Variants in ADAMTS3 observed in about 807,000 individuals in gnomAD.
ADAMTS3 encodes the protein ADAM metallopeptidase with thrombospondin type 1 motif 3, also known as A disintegrin and metalloproteinase with thrombospondin motifs 3.
In ADAMTS3, 73 loss-of-function variants were observed where a neutral mutation model predicts 129.0. That is an observed-to-expected ratio of 0.57 (90% confidence interval 0.47 to 0.69). ADAMTS3 has a LOEUF of 0.69. Ranked by LOEUF, ADAMTS3 falls within the 30% of genes least tolerant of loss-of-function variation. The pLI is 0.00. For synonymous variants in ADAMTS3, 477 were observed against 510.8 expected, an observed-to-expected ratio of 0.93 and a Z score of 0.89; for missense variants, 1,457 against 1,514.5, an observed-to-expected ratio of 0.96 and a Z score of 0.63.
intron 3 of ADAMTS3, among the ~76,000 whole-genome samples, chr4:72,537,506 A>T (rs1212071122): frequency 6.6e-6 from 1 of 152,178 alleles, no homozygotes; most frequent in East Asian, 1.9e-4. Flanking sequence ...GTCATTGTGC[A>T]TGCCCAGGGA....
intron 3 of ADAMTS3, among the ~76,000 whole-genome samples, chr4:72,454,554 C>T (rs1718491999): frequency 6.6e-6 from 1 of 151,704 alleles, no homozygotes; most frequent in Non-Finnish European, 1.5e-5. Flanking sequence ...ATGCTTGGCA[C>T]ATGCTTGAAA....
chr4:72,309,836 AACAAG>A (rs1719186148), intron 14 of ADAMTS3, among the ~76,000 whole-genome samples: 1 of 152,096 alleles, frequency 6.6e-6, no homozygotes, highest in Non-Finnish European at 1.5e-5. Flanking sequence ...ACAAGAAAAC[AACAAG>A]ACAGTGCTTT....
chr4:72,424,414 T>C (rs1722520813), intron 3 of ADAMTS3, among the ~76,000 whole-genome samples: 1 of 152,034 alleles, frequency 6.6e-6, no homozygotes, highest in African/African-American at 2.4e-5. Flanking sequence ...ATTTGAGAAA[T>C]ATTTCCTGAA....
At chr4:72,559,134 G>A (rs1458303943) in intron 2 of ADAMTS3, among the ~76,000 whole-genome samples, 2 of 151,630 alleles carry the variant, frequency 1.3e-5, no homozygotes, top group Admixed American at 1.3e-4. Flanking sequence ...GTCCATGAGA[G>A]TATCATTTGA....
intron 4 of ADAMTS3, among the ~76,000 whole-genome samples, chr4:72,385,515 G>C (rs1008848163): frequency 6.6e-6 from 1 of 152,008 alleles, no homozygotes; most frequent in Non-Finnish European, 1.5e-5. Flanking sequence ...TAAGTGAAAT[G>C]CTCCCTCCAA....
intron 3 of ADAMTS3, among the ~76,000 whole-genome samples, chr4:72,530,207 G>T (rs1369880101): frequency 1.7e-4 from 7 of 41,580 alleles, no homozygotes; most frequent in South Asian, 1.6e-3. Context: ...ATTAACATAT[G>T]TTATTTTAAT....
In ADAMTS3 at chr4:72,306,028, T is replaced by A. The variant is rs1189973715; in HGVS notation, c.2219A>T (p.His740Leu). 3.1e-6 allele frequency: 5 copies of A among 1,611,530 alleles called. No individual in the cohort carries two copies. In the Admixed American group the frequency reaches 6.7e-5, roughly 22 times the overall value. The change falls in exon 16 of 22, where the codon CAT becomes CTT. Residue 740 changes from histidine (H) to leucine (L), a missense_variant. His to Leu is a moderately conservative substitution (Grantham distance 99). Transcript: ENST00000286657. ...KMFDIPPGAR[H>L]VLIQEDEASP... is the part of the protein sequence containing the mutation. The stretch of plus-strand genomic sequence containing the variant: ...AGCCTCGTCTTCTTGGATTAACACA[T>A]GTCTAGCCCCAGGGGGTATATCAAA...
chr4:72,419,566 G>A (rs1490679437), intron 3 of ADAMTS3, among the ~76,000 whole-genome samples: 4 of 152,158 alleles, frequency 2.6e-5, no homozygotes, highest in African/African-American at 9.7e-5. Flanking sequence ...AGCTTTGAAT[G>A]CAGCCCAACA....
intron 3 of ADAMTS3, among the ~76,000 whole-genome samples, chr4:72,514,638 C>T (rs788938): frequency 1 from 152,238 of 152,252 alleles, 76,112 homozygotes; most frequent in Non-Finnish European, 1. Context: ...TATTCACTAC[C>T]GACTGGATGG....
chr4:72,288,184 A>G (rs532206254), intron 21 of ADAMTS3, among the ~76,000 whole-genome samples: 1 of 152,320 alleles, frequency 6.6e-6, no homozygotes, highest in East Asian at 1.9e-4. Context: ...CTGTTTTAAA[A>G]TAGCAAATTG....
intron 11 of ADAMTS3, among the ~76,000 whole-genome samples, chr4:72,315,622 T>C (rs568901179): frequency 6.6e-6 from 1 of 152,290 alleles, no homozygotes; most frequent in East Asian, 1.9e-4. Flanking sequence ...ACTTCTGGCC[T>C]CTAGAACTGT....
At chr4:72,318,782 T>C in intron 9 of ADAMTS3, 78 bp from the exon 10 acceptor site, 1 of 1,396,784 alleles carries the variant, frequency 7.2e-7, no homozygotes, top group Non-Finnish European at 9.8e-7. Flanking sequence ...AAAGTAGTCT[T>C]AGCTTATATA....
chr4:72,526,434 AT>A (rs1419733541), intron 3 of ADAMTS3, among the ~76,000 whole-genome samples: 7 of 151,808 alleles, frequency 4.6e-5, no homozygotes, highest in Admixed American at 6.6e-5. Flanking sequence ...CCATCTGGCA[AT>A]TTTTTTCATT....
chr4:72,533,332 G>A (rs1721092559), intron 3 of ADAMTS3, among the ~76,000 whole-genome samples: 2 of 152,176 alleles, frequency 1.3e-5, no homozygotes, highest in South Asian at 4.1e-4. Flanking sequence ...TATCCCACTG[G>A]AAGGTCTTCA....
At chr4:72,356,335 T>C (rs1353063612) in intron 4 of ADAMTS3, among the ~76,000 whole-genome samples, 1 of 151,920 alleles carries the variant, frequency 6.6e-6, no homozygotes, top group Non-Finnish European at 1.5e-5. Context: ...GAATAAACTA[T>C]ATCTTATCAT....
intron 3 of ADAMTS3, among the ~76,000 whole-genome samples, chr4:72,534,383 ATAGT>A (rs1721135899): frequency 6.6e-6 from 1 of 152,174 alleles, no homozygotes; most frequent in Admixed American, 6.5e-5. Context: ...CAAAAACTTA[ATAGT>A]TAATGATTTC....
At chr4:72,530,509 T>C (rs1165057771) in intron 3 of ADAMTS3, among the ~76,000 whole-genome samples, 3 of 90,642 alleles carry the variant, frequency 3.3e-5, no homozygotes, top group African/African-American at 1.4e-4. Context: ...CAAATATATA[T>C]TTATATATAA....
intron 19 of ADAMTS3, among the ~76,000 whole-genome samples, chr4:72,295,072 A>G (rs527923703): frequency 6.6e-6 from 1 of 152,186 alleles, no homozygotes; most frequent in African/African-American, 2.4e-5. Context: ...GAATTAGGGA[A>G]AAGTAGTAGA....
chr4:72,342,359 CTTTTTTT>C (rs58586015), intron 4 of ADAMTS3, among the ~76,000 whole-genome samples: 9 of 127,238 alleles, frequency 7.1e-5, no homozygotes, highest in East Asian at 2.4e-4. Flanking sequence ...TCCCCAATTA[CTTTTTTT>C]TTTTTTTTTT....
Sources: gnomAD v4.1 joint callset for allele counts (sites outside exome capture counted in the v4.1 genomes callset) on GRCh38, gnomAD v4.1.1 for gene constraint, MANE v1.5 for transcripts, NCBI Gene and HGNC (gene_info 2026-07-23, HGNC 2026-07-21) for gene names.